The following NUB1 variants were observed in gnomAD, a reference collection of about 807,000 sequenced individuals.
The protein encoded by NUB1 is NEDD8 ultimate buster 1.
In NUB1, 41 loss-of-function variants were observed where a neutral mutation model predicts 77.1. The ratio of observed to expected loss-of-function variants is 0.53; its 90% CI spans 0.41 to 0.69. NUB1 has a LOEUF of 0.69. Among genes scored for constraint, NUB1 ranks in the 30% least tolerant of loss-of-function variants. The pLI, the probability that NUB1 is intolerant of heterozygous loss-of-function variation, is 0.00. For missense variants in NUB1, 643 were observed against 743.8 expected, an observed-to-expected ratio of 0.86 and a Z score of 1.58; for synonymous variants, 257 against 281.0, an observed-to-expected ratio of 0.91 and a Z score of 0.85.
intron 1 of NUB1, among the ~76,000 whole-genome samples, chr7:151,344,928 G>T (rs11765772): frequency 2.0e-5 from 3 of 151,886 alleles, no homozygotes; most frequent in Non-Finnish European, 4.4e-5. Context: ...TGAACCCAGG[G>T]GGCGGAGCTT....
chr7:151,355,560 C>G (rs1232180422), intron 5 of NUB1, among the ~76,000 whole-genome samples: 1 of 152,222 alleles, frequency 6.6e-6, no homozygotes, highest in Non-Finnish European at 1.5e-5. Context: ...GTAGTCCCAG[C>G]TCCTCGGGAG....
intron 2 of NUB1, 142 bp from the exon 3 acceptor site, chr7:151,348,931 G>A: frequency 1.5e-6 from 1 of 688,818 alleles, no homozygotes. Flanking sequence ...CTCTCAAGAT[G>A]TCAAACCACA....
At chr7:151,350,438 C>T (rs1171059875) in intron 3 of NUB1, among the ~76,000 whole-genome samples, 1 of 152,272 alleles carries the variant, frequency 6.6e-6, no homozygotes, top group Non-Finnish European at 1.5e-5. Flanking sequence ...CCTTTCCGGG[C>T]ACTGGAGTTA....
intron 7 of NUB1, among the ~76,000 whole-genome samples, chr7:151,356,530 T>C (rs1474103253): frequency 6.6e-6 from 1 of 152,202 alleles, no homozygotes; most frequent in African/African-American, 2.4e-5. Flanking sequence ...TTACATTTAG[T>C]TTATTTTACT....
chr7:151,350,218 C>T (rs948676230), intron 3 of NUB1, among the ~76,000 whole-genome samples: 1 of 152,272 alleles, frequency 6.6e-6, no homozygotes, highest in Non-Finnish European at 1.5e-5. Flanking sequence ...AGGAGCGGGA[C>T]CACTGAAGCA....
intron 11 of NUB1, among the ~76,000 whole-genome samples, chr7:151,372,898 C>T: frequency 6.6e-6 from 1 of 152,244 alleles, no homozygotes; most frequent in East Asian, 1.9e-4. Flanking sequence ...GCTGTGGGCA[C>T]TCCAGGGCCA....
At chr7:151,375,611 C>T (rs1306888773) in intron 12 of NUB1, among the ~76,000 whole-genome samples, 2 of 152,228 alleles carry the variant, frequency 1.3e-5, no homozygotes, top group Non-Finnish European at 2.9e-5. Flanking sequence ...TCCATCCCTT[C>T]CTGCTCTAAC....
chr7:151,356,750 T>C (rs577835608), intron 7 of NUB1, among the ~76,000 whole-genome samples: 1 of 152,324 alleles, frequency 6.6e-6, no homozygotes, highest in South Asian at 2.1e-4. Context: ...GGAGTTTTGC[T>C]CTTGTTGCTC....
At chr7:151,365,315 TC>T (rs1797615240) in intron 8 of NUB1, among the ~76,000 whole-genome samples, 2 of 95,800 alleles carry the variant, frequency 2.1e-5, no homozygotes. Flanking sequence ...TTTTCTTCTC[TC>T]TCTTTTTTTT....
intron 7 of NUB1, among the ~76,000 whole-genome samples, chr7:151,357,885 C>A (rs2150682999): frequency 6.6e-6 from 1 of 152,210 alleles, no homozygotes; most frequent in African/African-American, 2.4e-5. Flanking sequence ...GCTGGGATTA[C>A]AGGCATGAGC....
In NUB1 at chr7:151,368,805, C is replaced by T. The variant is rs1797823292; in HGVS notation, c.1166C>T (p.Thr389Ile). Reference sequence around the variant, plus strand: ...GACAATTTGTTGCAGTTGGGGTTTACTGCCCAGGAAGCCCGGCTTGGCCTG... The same window carrying T: ...GACAATTTGTTGCAGTTGGGGTTTATTGCCCAGGAAGCCCGGCTTGGCCTG... ...KVDNLLQLGF[T>I]AQEARLGLRA... The change falls in exon 11 of 15, where the codon ACT becomes ATT. Residue 389 changes from threonine (T) to isoleucine (I), a missense_variant. By Grantham distance (89) the Thr-to-Ile change is moderately conservative. Coordinates refer to ENST00000568733, the MANE Select transcript of NUB1 (RefSeq NM_001243351.2). The T allele has an allele frequency of 6.2e-7, 1 of 1,613,918 alleles. No individual in the cohort carries two copies. The highest frequency in any genetic ancestry group is 1.7e-5 in the Admixed American group (1 of 60,012).
chr7:151,350,030 T>G (rs1334767082), intron 3 of NUB1, among the ~76,000 whole-genome samples: 1 of 152,220 alleles, frequency 6.6e-6, no homozygotes, highest in African/African-American at 2.4e-5. Flanking sequence ...GAGTCATGTG[T>G]CCACCGGACA....
Position 151,341,840 on chromosome 7 carries a change from G to C in NUB1, c.-9G>C. ...CTGCTGGTCGCGGCGGGAGTGGCGT[G>C]GCGCAGGTGAGGACACGGCGGCCGA... On this transcript the variant is annotated 5_prime_UTR_variant, in exon 1 of 15. Coordinates refer to ENST00000568733, the MANE Select transcript of NUB1 (RefSeq NM_001243351.2). 6.6e-7 allele frequency: 1 copy of C among 1,505,356 alleles called. No homozygotes were observed. The highest frequency in any genetic ancestry group is 2.8e-5 in the East Asian group (1 of 36,178). The allele number at this position is 1,505,356 out of a possible 1,614,324, so 93.2% of individuals were successfully genotyped here.
chr7:151,377,088 G>C lies in NUB1; in HGVS notation c.1711G>C (p.Ala571Pro). The C allele has an allele frequency of 6.3e-7, 1 of 1,578,708 alleles. No homozygotes were observed. Among genetic ancestry groups the C allele is most frequent in the South Asian group, 1.2e-5 (1 of 84,924 alleles). ...AACAGACGAAGACATGGAGACAGAG[G>C]CCGTCAATGAGATACTGGAAGACAT... is the stretch of plus-strand genomic sequence containing the variant. ...ASTDEDMETE[A>P]VNEILEDIPE... The change falls in exon 15 of 15, where the codon GCC (alanine) becomes CCC (proline). Residue 571 changes from alanine (A) to proline (P), a missense_variant. Physicochemically the swap from Ala to Pro is conservative, Grantham distance 27. Coordinates refer to ENST00000568733, the MANE Select transcript of NUB1 (RefSeq NM_001243351.2).
At chr7:151,371,629 T>C (rs1797963261) in intron 11 of NUB1, among the ~76,000 whole-genome samples, 1 of 152,110 alleles carries the variant, frequency 6.6e-6, no homozygotes. Context: ...ACAAAAACAA[T>C]GTCCCACAGA....
At position 151,348,599 on chromosome 7, in the gene NUB1, G is replaced by A. The variant is rs1242839171; in HGVS notation, c.118-474G>A. ...TTTTTTTTTTTTTTTTTTTTGAGGC[G>A]GAGTCTTGCTCTGTCACCCAGGGTG... On this transcript the variant is annotated intron_variant, in intron 2 of 14. Transcript: ENST00000568733. Among the ~76,000 whole-genome samples, 6 of 92,940 alleles carry A rather than the reference G, an allele frequency of 6.5e-5. No homozygotes were observed. The East Asian group carries it at 9.6e-4, about 15-fold the overall frequency. The allele number at this position is 92,940 out of a possible 152,430, so 61.0% of individuals were successfully genotyped here. A position where few individuals can be genotyped will look rare whatever the true frequency, so the allele number is the denominator to read the frequency against.
chr7:151,344,977 G>A (rs1796430839), intron 1 of NUB1, among the ~76,000 whole-genome samples: 1 of 152,158 alleles, frequency 6.6e-6, no homozygotes, highest in Admixed American at 6.5e-5. Context: ...TCCAGCCTGG[G>A]CGACAGAGCG....
In NUB1 at chr7:151,355,931, A is replaced by G; in HGVS notation, c.579A>G (p.Leu193=). Residue 193 remains leucine (L), a synonymous_variant, in exon 6 of 15, where the codon CTA becomes CTG. Transcript: ENST00000568733. ...EKQIQRTKRG[L]EILAKRAAET... ...AAATTCAGAGGACCAAGAGAGGACT[A>G]GAAATACTGGCAAAGAGAGGTACCC... The G allele has an allele frequency of 6.2e-7, 1 of 1,613,984 alleles. No homozygotes were observed. Among genetic ancestry groups the G allele is most frequent in the South Asian group, 1.1e-5 (1 of 91,080 alleles).
intron 2 of NUB1, 117 bp from the exon 3 acceptor site, chr7:151,348,956 G>A (rs1796653839): frequency 3.6e-6 from 3 of 842,348 alleles, no homozygotes; most frequent in Admixed American, 5.2e-5. Context: ...GGACTGCAGT[G>A]TAACGGGGCG....
Sources: gnomAD v4.1 joint callset for allele counts (sites outside exome capture counted in the v4.1 genomes callset) on GRCh38, gnomAD v4.1.1 for gene constraint, MANE v1.5 for transcripts, NCBI Gene and HGNC (gene_info 2026-07-23, HGNC 2026-07-21) for gene names.